The following KCNC1 variants were observed in gnomAD, a reference collection of about 807,000 sequenced individuals.
The protein encoded by KCNC1 is potassium voltage-gated channel subfamily C member 1.
KCNC1 carries 8 observed loss-of-function variants against 43.4 expected under a neutral mutation model. The ratio of observed to expected loss-of-function variants is 0.18; its 90% CI spans 0.11 to 0.33. The LOEUF (loss-of-function observed/expected upper bound fraction) is 0.33. KCNC1 is among the 10% of genes least tolerant of loss of function. The pLI is 1.00. For synonymous variants in KCNC1, 361 were observed against 360.5 expected (o/e 1.00, Z -0.01); for missense variants, 420 against 836.0 (o/e 0.50, Z 6.14).
rs150993414 is a variant in KCNC1 at position 17,771,803 on chromosome 11, C to T, written c.709C>T (p.Arg237Trp). 62 of 1,614,112 alleles carry T rather than the reference C, an allele frequency of 3.8e-5. No homozygotes were observed. The highest frequency in any genetic ancestry group is 4.9e-5 in the Non-Finnish European group (58 of 1,180,028). ...CAATGGCACGCAAGTGCGCTACTAC[C>T]GGGAGGCCGAGACGGAGGCCTTCCT... is the stretch of plus-strand genomic sequence containing the variant. ...VRNGTQVRYY[R>W]EAETEAFLTY... Residue 237 changes from arginine (R) to tryptophan (W), a missense_variant, in exon 2 of 4, where the codon CGG becomes TGG. Coordinates refer to ENST00000265969, the MANE Select transcript of KCNC1 (RefSeq NM_001112741.2). This position sits in a 1 kb window ranked among gnomAD's most constrained non-coding sequence, Gnocchi z 4.7.
At chr11:17,764,660 G>A (rs959397232) in intron 1 of KCNC1, among the ~76,000 whole-genome samples, 5 of 152,148 alleles carry the variant, frequency 3.3e-5, no homozygotes, top group East Asian at 1.9e-4. Context: ...CCCTTGCGCC[G>A]GTGCAGCATC....
intron 1 of KCNC1, among the ~76,000 whole-genome samples, chr11:17,738,037 A>C (rs571051581): frequency 6.6e-6 from 1 of 152,034 alleles, no homozygotes; most frequent in South Asian, 2.1e-4. Context: ...GGTCAGTCTT[A>C]TACCTTGAAT....
At chr11:17,741,756 AC>A (rs1271826817) in intron 1 of KCNC1, among the ~76,000 whole-genome samples, 1 of 151,934 alleles carries the variant, frequency 6.6e-6, no homozygotes, top group Non-Finnish European at 1.5e-5. Context: ...CGCTTACCAA[AC>A]CCCAACCACC....
intron 1 of KCNC1, among the ~76,000 whole-genome samples, chr11:17,756,520 A>C (rs1042639750): frequency 3.5e-5 from 5 of 143,906 alleles, no homozygotes; most frequent in African/African-American, 5.3e-5. Context: ...CTTCCCTCCA[A>C]ACACACACAC....
intron 1 of KCNC1, among the ~76,000 whole-genome samples, chr11:17,743,657 G>A (rs890718148): frequency 6.6e-5 from 10 of 152,186 alleles, no homozygotes; most frequent in Admixed American, 3.9e-4. Context: ...AACGCTGGCC[G>A]CCCCTCAGCT....
intron 1 of KCNC1, among the ~76,000 whole-genome samples, chr11:17,753,342 G>A (rs1660215059): frequency 6.6e-6 from 1 of 152,238 alleles, no homozygotes; most frequent in Non-Finnish European, 1.5e-5. Flanking sequence ...CAGCCCCTGA[G>A]CCCCAGGCAG....
Position 17,779,294 on chromosome 11 carries a change from G to A in KCNC1, c.1505-162G>A. The A allele has an allele frequency of 1.8e-6, 1 of 568,600 alleles. No individual in the cohort carries two copies. The highest frequency in any genetic ancestry group is 3.0e-6 in the Non-Finnish European group (1 of 331,488). The allele number at this position is 568,600 out of a possible 1,614,324, so 35.2% of individuals were successfully genotyped here. A position where few individuals can be genotyped will look rare whatever the true frequency, so the allele number is the denominator to read the frequency against. ...CTGAATGAGCTGAACCCCCCACCAA[G>A]CCCCCTGCCTTGTGCCCTCCTCGCT... On this transcript the variant is annotated intron_variant, in intron 2 of 3. Transcript: ENST00000265969. This position sits in a 1 kb window ranked among gnomAD's most constrained non-coding sequence, Gnocchi z 7.2.
At chr11:17,767,284 CAAAAA>C (rs71483495) in intron 1 of KCNC1, among the ~76,000 whole-genome samples, 10,609 of 95,928 alleles carry the variant, frequency 0.11, 521 homozygotes, top group Middle Eastern at 0.17. Flanking sequence ...GACTCCGTCT[CAAAAA>C]AAAAAAAAAA....
intron 1 of KCNC1, among the ~76,000 whole-genome samples, chr11:17,765,299 C>T (rs150260289): frequency 2.6e-5 from 4 of 152,160 alleles, no homozygotes; most frequent in African/African-American, 4.8e-5. Context: ...CGAACAGCTC[C>T]GATCCGAAAG....
At chr11:17,748,445 A>T (rs1848927574) in intron 1 of KCNC1, among the ~76,000 whole-genome samples, 1 of 152,132 alleles carries the variant, frequency 6.6e-6, no homozygotes, top group African/African-American at 2.4e-5. Context: ...GGGACTCCAA[A>T]GAAGGGAGGC....
chr11:17,736,770 T>C lies in KCNC1; in HGVS notation c.570+198T>C, dbSNP rs1192000950. Among the ~76,000 whole-genome samples the C allele has an allele frequency of 6.6e-6, 1 of 152,210 alleles. No individual in the cohort carries two copies. The highest frequency in any genetic ancestry group is 1.5e-5 in the Non-Finnish European group (1 of 68,030). ...CTGGTTTTCTATGTATGTCAGTCTG[T>C]GTGTTGCCAAGTTTAATATGTATGA... On this transcript the variant is annotated intron_variant, in intron 1 of 3. Coordinates refer to ENST00000265969, the MANE Select transcript of KCNC1 (RefSeq NM_001112741.2). This position sits in a 1 kb window ranked among gnomAD's most constrained non-coding sequence, Gnocchi z 9.3.
At chr11:17,756,104 G>A (rs1363578353) in intron 1 of KCNC1, among the ~76,000 whole-genome samples, 1 of 152,178 alleles carries the variant, frequency 6.6e-6, no homozygotes, top group African/African-American at 2.4e-5. Flanking sequence ...GGCCTGAGCA[G>A]CGCTCCCCTT....
At chr11:17,767,334 T>C (rs999351108) in intron 1 of KCNC1, among the ~76,000 whole-genome samples, 3 of 151,422 alleles carry the variant, frequency 2.0e-5, no homozygotes, top group Admixed American at 1.3e-4. Flanking sequence ...AGAAAAACAC[T>C]TGGATCCAAG....
rs982350356 is a variant in KCNC1 at position 17,776,697 on chromosome 11, T to G, written c.1505-2759T>G. On this transcript the variant is annotated intron_variant, in intron 2 of 3. Coordinates refer to ENST00000265969, the MANE Select transcript of KCNC1 (RefSeq NM_001112741.2). The surrounding 1 kb of genome is among the most constrained non-coding windows in gnomAD (Gnocchi z 4.4). The stretch of plus-strand genomic sequence containing the variant: ...GGGCCCCCAGCCTCTGGAAAGCAGG[T>G]GGGAATGGAGGCTCCTAGCCACTAT... 11 of 984,570 alleles carry G rather than the reference T, an allele frequency of 1.1e-5. No homozygotes were observed. In the African/African-American group the frequency reaches 1.8e-4, roughly 16 times the overall value. The allele number at this position is 984,570 out of a possible 1,614,324, so 61.0% of individuals were successfully genotyped here.
intron 1 of KCNC1, among the ~76,000 whole-genome samples, chr11:17,768,435 C>T (rs1242149602): frequency 1.3e-5 from 2 of 152,008 alleles, no homozygotes; most frequent in Non-Finnish European, 2.9e-5. Flanking sequence ...TGGAGAGCCT[C>T]GTGTGCCAGG....
rs367865176 is a variant in KCNC1 at position 17,735,796 on chromosome 11, G to C, written c.-207G>C. The C allele has an allele frequency of 3.7e-4, 175 of 476,776 alleles. 1 individual carries two copies. The East Asian group carries it at 5.1e-3, about 14-fold the overall frequency. 29.5% of individuals were successfully genotyped at this position (476,776 alleles called of 1,614,324 possible). On this transcript the variant is annotated 5_prime_UTR_variant, in exon 1 of 4. Coordinates refer to ENST00000265969, the MANE Select transcript of KCNC1 (RefSeq NM_001112741.2). This position sits in a 1 kb window ranked among gnomAD's most constrained non-coding sequence, Gnocchi z 6.7. Reference sequence around the variant, plus strand: ...CTCCTAGAGACCCCTGGGATCCCGCGCACATTCCCCTGGACCGGCACCCGA... The same window carrying C: ...CTCCTAGAGACCCCTGGGATCCCGCCCACATTCCCCTGGACCGGCACCCGA...
chr11:17,774,390 C>G, intron 2 of KCNC1: 19 of 985,522 alleles, frequency 1.9e-5, no homozygotes, highest in Non-Finnish European at 2.2e-5. Context: ...GACACTGGAT[C>G]TTTCAGGAGT....
intron 1 of KCNC1, among the ~76,000 whole-genome samples, chr11:17,737,980 G>A (rs1848788756): frequency 2.0e-5 from 3 of 151,858 alleles, no homozygotes; most frequent in Admixed American, 2.0e-4. Context: ...TGTTAACTGA[G>A]ATCAAAAACA....
At chr11:17,763,511 C>T (rs541235176) in intron 1 of KCNC1, among the ~76,000 whole-genome samples, 5 of 150,012 alleles carry the variant, frequency 3.3e-5, no homozygotes, top group Admixed American at 6.6e-5. Flanking sequence ...ACACTCCCCA[C>T]GCACGCAATG....
Sources: allele counts gnomAD v4.1 joint callset (sites outside exome capture counted in the v4.1 genomes callset), GRCh38; gene constraint gnomAD v4.1.1; non-coding constraint Gnocchi (gnomAD v3.1); transcripts MANE v1.5; gene names NCBI Gene and HGNC (gene_info 2026-07-23, HGNC 2026-07-21).